The following ARPC2 variants were observed in gnomAD, a reference collection of about 807,000 sequenced individuals.
The protein encoded by ARPC2 is actin-related protein 2/3 complex subunit 2.
In ARPC2, 4 loss-of-function variants were observed where a neutral mutation model predicts 38.6. The ratio of observed to expected loss-of-function variants is 0.10; its 90% CI spans 0.05 to 0.24. The LOEUF (loss-of-function observed/expected upper bound fraction) is 0.24. ARPC2 is among the 10% of genes least tolerant of loss of function. The pLI is 1.00. For synonymous variants in ARPC2, 125 were observed against 140.8 expected (o/e 0.89, Z 0.79); for missense variants, 229 against 387.3 (o/e 0.59, Z 3.43).
intron 3 of ARPC2, among the ~76,000 whole-genome samples, chr2:218,226,298 AAAG>A (rs1689494873): frequency 1.3e-5 from 2 of 151,166 alleles, no homozygotes; most frequent in South Asian, 4.2e-4. Context: ...TCAAAAAAAA[AAAG>A]AGAGAGACAA....
chr2:218,254,012 T>TA lies in ARPC2; in HGVS notation c.*99dup, dbSNP rs771213264. The stretch of plus-strand genomic sequence containing the variant: ...TTAATGTTGCGCCTCTTCAGGTTCT[T>TA]AAGGGATTCTCCGTTTTGGTTCCAT... On this transcript the variant is annotated 3_prime_UTR_variant, in exon 11 of 11. Transcript: ENST00000315717. 4 of 1,524,236 alleles carry TA rather than the reference T, an allele frequency of 2.6e-6. No homozygotes were observed. In the South Asian group the frequency reaches 4.6e-5, roughly 17 times the overall value. The allele number at this position is 1,524,236 out of a possible 1,614,324, so 94.4% of individuals were successfully genotyped here. A position where few individuals can be genotyped will look rare whatever the true frequency, so the allele number is the denominator to read the frequency against.
chr2:218,253,258 C>A (rs1485790886), intron 10 of ARPC2, among the ~76,000 whole-genome samples: 1 of 152,180 alleles, frequency 6.6e-6, no homozygotes, highest in Admixed American at 6.5e-5. Context: ...TTCCCAGATA[C>A]TGTTAGGTAC....
intron 7 of ARPC2, among the ~76,000 whole-genome samples, chr2:218,242,267 C>G (rs1296114919): frequency 1.3e-5 from 2 of 152,198 alleles, no homozygotes; most frequent in African/African-American, 2.4e-5. Flanking sequence ...CATTTCAATG[C>G]TTATTCCATG....
At chr2:218,238,944 G>A (rs1375182396) in intron 6 of ARPC2, 94 bp downstream of exon 6, 34 of 1,035,034 alleles carry the variant, frequency 3.3e-5, no homozygotes, top group Admixed American at 5.0e-5. Flanking sequence ...ACTTTCAGCT[G>A]TATTGCGTGA....
In ARPC2 at chr2:218,242,608, C is replaced by T. The variant is rs1490375592; in HGVS notation, c.550-2812C>T. Among the ~76,000 whole-genome samples, 4 of 152,272 alleles carry T rather than the reference C, an allele frequency of 2.6e-5. No individual in the cohort carries two copies. In the East Asian group the frequency reaches 7.7e-4, roughly 29 times the overall value. ...CTCCATCAGGGTAGTGGCATTTTAT[C>T]ATCTACCAGTGATGGAGAGGAGTGC... On this transcript the variant is annotated intron_variant, in intron 7 of 10. Transcript: ENST00000315717.
At chr2:218,252,231 AAAG>A (rs1273398638) in intron 10 of ARPC2, among the ~76,000 whole-genome samples, 8 of 152,222 alleles carry the variant, frequency 5.3e-5, no homozygotes, top group African/African-American at 1.9e-4. Flanking sequence ...CTCAAAAAAA[AAAG>A]CACTTTTTAA....
Position 218,217,503 on chromosome 2 carries a change from C to T in ARPC2, c.33C>T (p.Ile11=). The T allele has an allele frequency of 6.2e-7, 1 of 1,613,848 alleles. No individual in the cohort carries two copies. The highest frequency in any genetic ancestry group is 1.7e-5 in the Admixed American group (1 of 60,020). MILLEVNNRI[I]EETLALKFEN... is the part of the protein sequence containing the mutation. ...TGCTGGAGGTGAACAACCGCATCAT[C>T]GAGGAGACGCTCGCGCTCAAGTTCG... The change falls in exon 2 of 11, where the codon ATC becomes ATT. Residue 11 remains isoleucine (I), a synonymous_variant. Transcript: ENST00000315717.
intron 2 of ARPC2, among the ~76,000 whole-genome samples, chr2:218,224,586 C>G (rs1347513952): frequency 3.3e-5 from 5 of 152,130 alleles, no homozygotes; most frequent in Non-Finnish European, 5.9e-5. Context: ...GGCTCAGAAG[C>G]AATTTAAATT....
intron 4 of ARPC2, among the ~76,000 whole-genome samples, chr2:218,232,330 C>T (rs1350549112): frequency 5.3e-5 from 8 of 152,126 alleles, no homozygotes; most frequent in African/African-American, 1.7e-4. Flanking sequence ...GAAGCAGTCA[C>T]GGTGACAGAG....
At chr2:218,219,411 G>A (rs1368371644) in intron 2 of ARPC2, among the ~76,000 whole-genome samples, 1 of 150,942 alleles carries the variant, frequency 6.6e-6, no homozygotes, top group Non-Finnish European at 1.5e-5. Context: ...ATGCAGTGGC[G>A]CGATCTCTGC....
chr2:218,238,413 A>G (rs1181550726), intron 5 of ARPC2, among the ~76,000 whole-genome samples: 1 of 152,166 alleles, frequency 6.6e-6, no homozygotes, highest in Non-Finnish European at 1.5e-5. Context: ...ATTTACAAGA[A>G]TCTTATAAAA....
chr2:218,239,355 T>A, intron 6 of ARPC2, 36 bp from the exon 7 acceptor site: 2 of 1,475,866 alleles, frequency 1.4e-6, no homozygotes, highest in Non-Finnish European at 1.9e-6. Context: ...CCCATTCTGA[T>A]TCTGTACTTA....
intron 5 of ARPC2, chr2:218,234,648 C>A (rs766965663): frequency 9.4e-6 from 5 of 529,472 alleles, no homozygotes; most frequent in Admixed American, 6.4e-5. Context: ...CCACATGACT[C>A]TTACTTAATC....
chr2:218,239,615 C>T lies in ARPC2; in HGVS notation c.549+131C>T, dbSNP rs1187511345. ...AGAATTTTTTTTTTTTTTTTCGAGA[C>T]GGAGTTTCTCTCTTGTTGCCCAGGC... On this transcript the variant is annotated intron_variant, in intron 7 of 10. Coordinates refer to ENST00000315717, the MANE Select transcript of ARPC2 (RefSeq NM_152862.3). The T allele has an allele frequency of 5.8e-5, 39 of 669,026 alleles. No homozygotes were observed. In the East Asian group the frequency reaches 6.9e-4, roughly 12 times the overall value. The allele number at this position is 669,026 out of a possible 1,614,324, so 41.4% of individuals were successfully genotyped here.
chr2:218,234,835 C>G (rs1401924270), intron 5 of ARPC2: 3 of 457,354 alleles, frequency 6.6e-6, no homozygotes, highest in Non-Finnish European at 8.8e-6. Context: ...AAATCAGACC[C>G]TTTCTTAATC....
At chr2:218,217,565 G>A in intron 2 of ARPC2, 21 bp downstream of exon 2, 2 of 1,597,932 alleles carry the variant, frequency 1.3e-6, no homozygotes, top group Non-Finnish European at 1.7e-6. Flanking sequence ...GCCCGGGGCC[G>A]GGGGTGGCGG....
At chr2:218,249,654 TGA>T in intron 9 of ARPC2, 165 bp from the exon 10 acceptor site, 2 of 762,004 alleles carry the variant, frequency 2.6e-6, no homozygotes, top group Non-Finnish European at 2.1e-6. Flanking sequence ...ATAGCAGAGA[TGA>T]ATATTTGTTT....
At chr2:218,245,051 T>C (rs1429979595) in intron 7 of ARPC2, among the ~76,000 whole-genome samples, 1 of 152,220 alleles carries the variant, frequency 6.6e-6, no homozygotes, top group African/African-American at 2.4e-5. Context: ...GCTCTAAAGA[T>C]TTTATTGATG....
intron 3 of ARPC2, among the ~76,000 whole-genome samples, 184 bp from the exon 4 acceptor site, chr2:218,228,554 C>T (rs141808271): frequency 6.6e-4 from 100 of 152,286 alleles, no homozygotes; most frequent in Non-Finnish European, 1.1e-3. Flanking sequence ...AGCAAAGAAA[C>T]AAGTGCTCAG....
Sources: gnomAD v4.1 joint callset for allele counts (sites outside exome capture counted in the v4.1 genomes callset) on GRCh38, gnomAD v4.1.1 for gene constraint, MANE v1.5 for transcripts, NCBI Gene and HGNC (gene_info 2026-07-23, HGNC 2026-07-21) for gene names.